DPP6: variants seen among roughly 807,000 people sequenced by gnomAD.
DPP6 encodes dipeptidyl peptidase like 6.
DPP6 carries 69 observed loss-of-function variants against 122.6 expected under a neutral mutation model. That is an observed-to-expected ratio of 0.56 (90% CI 0.46 to 0.69). The LOEUF is 0.69. DPP6 is among the 30% of genes least tolerant of loss of function. DPP6 has a pLI of 0.00. For synonymous variants in DPP6, 418 were observed against 433.1 expected, an observed-to-expected ratio of 0.97 and a Z score of 0.43; for missense variants, 928 against 1,116.9, an observed-to-expected ratio of 0.83 and a Z score of 2.41.
intron 1 of DPP6, among the ~76,000 whole-genome samples, chr7:154,177,369 C>T (rs1324291476): frequency 2.0e-5 from 3 of 152,172 alleles, no homozygotes; most frequent in Admixed American, 2.0e-4. Flanking sequence ...ACTAAAGAGA[C>T]ATATGACTGT....
intron 1 of DPP6, among the ~76,000 whole-genome samples, chr7:154,109,851 C>G (rs1017309336): frequency 5.7e-5 from 8 of 141,292 alleles, no homozygotes; most frequent in African/African-American, 2.2e-4. Context: ...AGAGGGGACC[C>G]TCCAGTACTC....
At chr7:154,242,381 A>AGTGTGTGTGTGTGTGTGTGTGT (rs139152037) in intron 1 of DPP6, among the ~76,000 whole-genome samples, 19 of 150,312 alleles carry the variant, frequency 1.3e-4, no homozygotes, top group East Asian at 1.2e-3. Context: ...AGAGGCAATG[A>AGTGTGTGTGTGTGTGTGTGTGT]GTGTGTGTGT....
At chr7:154,580,442 AACAG>A (rs1367539676) in intron 5 of DPP6, among the ~76,000 whole-genome samples, 4 of 152,328 alleles carry the variant, frequency 2.6e-5, no homozygotes, top group South Asian at 4.1e-4. Context: ...TAGTAATTCC[AACAG>A]ACAAAGACGT....
chr7:153,912,285 A>G (rs1800124803), intron 1 of DPP6, among the ~76,000 whole-genome samples: 1 of 152,188 alleles, frequency 6.6e-6, no homozygotes, highest in Non-Finnish European at 1.5e-5. Flanking sequence ...ACACACTCAA[A>G]TAAAACGAAC....
intron 17 of DPP6, among the ~76,000 whole-genome samples, chr7:154,867,682 G>A (rs1211173153): frequency 6.6e-6 from 1 of 152,196 alleles, no homozygotes; most frequent in Admixed American, 6.5e-5. Flanking sequence ...CAGCAGTCAT[G>A]GGAAGAATCA....
At chr7:154,750,386 C>T (rs1005346683) in intron 8 of DPP6, among the ~76,000 whole-genome samples, 1 of 152,248 alleles carries the variant, frequency 6.6e-6, no homozygotes, top group Admixed American at 6.5e-5. Context: ...CCGGAGCAGG[C>T]CGCTTCTCCG....
intron 2 of DPP6, among the ~76,000 whole-genome samples, chr7:154,455,475 T>C (rs951671481): frequency 1.8e-4 from 28 of 152,326 alleles, no homozygotes; most frequent in African/African-American, 6.7e-4. Flanking sequence ...TGAGTCATTC[T>C]TTAAATTGAA....
intron 1 of DPP6, among the ~76,000 whole-genome samples, chr7:154,063,348 C>A (rs1256548462): frequency 2.3e-5 from 3 of 131,466 alleles, no homozygotes; most frequent in Non-Finnish European, 5.0e-5. Flanking sequence ...CTCTTAGGAA[C>A]CCCATTGCAG....
chr7:154,475,152 G>T (rs778250367), intron 3 of DPP6, 115 bp downstream of exon 3: 4 of 770,014 alleles, frequency 5.2e-6, no homozygotes, highest in South Asian at 1.4e-5. Context: ...CACAGAAGGG[G>T]ATCTACAGAG....
chr7:154,143,482 T>C (rs1326478128), intron 1 of DPP6, among the ~76,000 whole-genome samples: 2 of 151,384 alleles, frequency 1.3e-5, no homozygotes, highest in Non-Finnish European at 2.9e-5. Context: ...AATATGAAAT[T>C]CAGGTTATCA....
chr7:154,772,777 T>C, intron 9 of DPP6, 68 bp from the exon 10 acceptor site: 1 of 1,564,936 alleles, frequency 6.4e-7, no homozygotes, highest in Non-Finnish European at 8.7e-7. Flanking sequence ...AGGAAAGGCT[T>C]TGCAGAGCTG....
intron 1 of DPP6, among the ~76,000 whole-genome samples, chr7:153,893,596 A>G (rs1254977112): frequency 1.3e-5 from 2 of 152,200 alleles, no homozygotes; most frequent in Non-Finnish European, 2.9e-5. Flanking sequence ...TGCATAGAGT[A>G]TTTTCCACTT....
At chr7:154,417,185 C>T (rs1257388685) in intron 1 of DPP6, among the ~76,000 whole-genome samples, 1 of 152,170 alleles carries the variant, frequency 6.6e-6, no homozygotes, top group Non-Finnish European at 1.5e-5. Flanking sequence ...GGGAACATCT[C>T]CCCACCAATT....
chr7:154,127,030 C>T (rs1291513166), intron 1 of DPP6, among the ~76,000 whole-genome samples: 2 of 152,184 alleles, frequency 1.3e-5, no homozygotes, highest in Admixed American at 1.3e-4. Context: ...ATAGTTAAAT[C>T]CATCGTAATT....
chr7:154,451,217 T>A (rs1326614251), intron 2 of DPP6, among the ~76,000 whole-genome samples: 1 of 151,712 alleles, frequency 6.6e-6, no homozygotes, highest in Non-Finnish European at 1.5e-5. Context: ...AAAAATTAGC[T>A]GGGCTTGGTG....
chr7:154,255,875 C>G (rs1040961140), intron 1 of DPP6, among the ~76,000 whole-genome samples: 2 of 152,142 alleles, frequency 1.3e-5, no homozygotes, highest in African/African-American at 2.4e-5. Context: ...CCAATAAATA[C>G]TTGGTGTTTT....
chr7:153,890,761 A>G (rs567770643), intron 1 of DPP6, among the ~76,000 whole-genome samples: 77 of 131,698 alleles, frequency 5.8e-4, no homozygotes, highest in Middle Eastern at 5.3e-3. Flanking sequence ...GCAGTAGCGC[A>G]ATCTCAGTTC....
chr7:154,129,715 CA>C (rs1424708117), intron 1 of DPP6, among the ~76,000 whole-genome samples: 6 of 152,058 alleles, frequency 3.9e-5, no homozygotes, highest in Admixed American at 3.9e-4. Context: ...CTGGCTAACA[CA>C]GTGAAACCCT....
intron 1 of DPP6, among the ~76,000 whole-genome samples, chr7:154,419,919 C>T (rs920984713): frequency 1.3e-5 from 2 of 152,158 alleles, no homozygotes; most frequent in African/African-American, 4.8e-5. Context: ...CCATTCACGG[C>T]AGCCGAGGTG....
Sources: allele counts gnomAD v4.1 joint callset (sites outside exome capture counted in the v4.1 genomes callset), GRCh38; gene constraint gnomAD v4.1.1; transcripts MANE v1.5; gene names NCBI Gene and HGNC (gene_info 2026-07-23, HGNC 2026-07-21).